NLGN1: variants seen among roughly 807,000 people sequenced by gnomAD.
NLGN1 encodes the protein neuroligin 1, also known as neuroligin-1.
In NLGN1, 12 loss-of-function variants were observed where a neutral mutation model predicts 65.5. The ratio of observed to expected loss-of-function variants is 0.18; its 90% confidence interval spans 0.12 to 0.30. The LOEUF (loss-of-function observed/expected upper bound fraction) is 0.30, where lower values mean the gene tolerates loss of function less well. NLGN1 is among the 10% of genes least tolerant of loss of function. The probability of loss-of-function intolerance (pLI) is 1.00; values close to 1 mark genes in which losing one functional copy is unlikely to be tolerated. For missense variants in NLGN1, 750 were observed against 1,007.1 expected, an observed-to-expected ratio of 0.74 and a Z score of 3.46; for synonymous variants, 350 against 359.5, an observed-to-expected ratio of 0.97 and a Z score of 0.30.
At chr3:173,720,736 T>G (rs758916908) in intron 3 of NLGN1, among the ~76,000 whole-genome samples, 2 of 152,146 alleles carry the variant, frequency 1.3e-5, no homozygotes, top group African/African-American at 4.8e-5. Context: ...TAAATGAGAG[T>G]TTAATATATT....
chr3:173,768,558 A>T (rs1339704138), intron 3 of NLGN1, among the ~76,000 whole-genome samples: 1 of 152,102 alleles, frequency 6.6e-6, no homozygotes, highest in Non-Finnish European at 1.5e-5. Context: ...CTTATGTATC[A>T]CATATGCCAA....
chr3:173,545,418 G>A (rs1230965123), intron 2 of NLGN1, among the ~76,000 whole-genome samples: 1 of 151,982 alleles, frequency 6.6e-6, no homozygotes, highest in Non-Finnish European at 1.5e-5. Flanking sequence ...AGCCAGAAAG[G>A]CAGAAATAGA....
intron 2 of NLGN1, among the ~76,000 whole-genome samples, chr3:173,476,191 G>T (rs569400144): frequency 3.3e-5 from 5 of 152,282 alleles, no homozygotes; most frequent in African/African-American, 1.2e-4. Context: ...GCAGAGTGCT[G>T]CCTGAGTGGG....
At chr3:173,769,795 T>G (rs1319010595) in intron 3 of NLGN1, among the ~76,000 whole-genome samples, 1 of 152,182 alleles carries the variant, frequency 6.6e-6, no homozygotes, top group Non-Finnish European at 1.5e-5. Flanking sequence ...AGGGAGGGTC[T>G]TACTGGTTAT....
At chr3:174,130,227 A>G (rs111853668) in intron 4 of NLGN1, among the ~76,000 whole-genome samples, 4,162 of 152,198 alleles carry the variant, frequency 0.027, 203 homozygotes, top group African/African-American at 0.095. Context: ...ATAAAAAATT[A>G]GCTGGGTGTG....
intron 4 of NLGN1, among the ~76,000 whole-genome samples, chr3:173,948,939 A>G (rs1747694135): frequency 6.6e-6 from 1 of 152,116 alleles, no homozygotes; most frequent in Admixed American, 6.5e-5. Context: ...TTTAACATGC[A>G]GAAGATAAAA....
intron 4 of NLGN1, among the ~76,000 whole-genome samples, chr3:174,111,681 T>C (rs1715250877): frequency 6.6e-6 from 1 of 151,912 alleles, no homozygotes; most frequent in African/African-American, 2.4e-5. Flanking sequence ...CACAAGGTTA[T>C]AGAATGGTAA....
chr3:174,279,634 A>C lies in NLGN1; in HGVS notation c.1633A>C (p.Asn545His). 1 of 1,603,470 alleles carries C rather than the reference A, an allele frequency of 6.2e-7. No individual in the cohort carries two copies. Among genetic ancestry groups the C allele is most frequent in the Non-Finnish European group, 8.5e-7 (1 of 1,172,992 alleles). Residue 545 changes from asparagine to histidine, a missense_variant, in exon 6 of 7, where the codon AAT (asparagine) becomes CAT (histidine). By Grantham distance (68) the Asn-to-His change is moderately conservative. Coordinates refer to ENST00000457714, the Ensembl canonical transcript of NLGN1. This position sits in a 1 kb window ranked among gnomAD's most constrained non-coding sequence, Gnocchi z 4.7. ...TGCAGTTGTAATGACATACTGGACA[A>C]ATTTTGCTAAAACTGGGTATGTACC...
intron 4 of NLGN1, among the ~76,000 whole-genome samples, chr3:173,921,221 C>T (rs1177427041): frequency 4.1e-5 from 6 of 145,700 alleles, no homozygotes; most frequent in Admixed American, 2.1e-4. Context: ...AATATATATA[C>T]TATGCATGTA....
rs16833055 is a variant in NLGN1, at chr3:174,072,099, A to G, written c.647-203216A>G. On this transcript the variant is annotated intron_variant, in intron 4 of 6. Coordinates refer to ENST00000457714, the Ensembl canonical transcript of NLGN1. The stretch of plus-strand genomic sequence containing the variant: ...AGTAATTATGTTACCTGGTTGCAGA[A>G]AAGGGAAAATAAAGGGGAGAATCTT... 4.4e-3 allele frequency among the ~76,000 whole-genome samples: 665 copies of G among 152,336 alleles called. 7 individuals carry two copies. The highest frequency in any genetic ancestry group is 0.015 in the African/African-American group (617 of 41,586).
chr3:173,783,977 T>C (rs970072292), intron 3 of NLGN1, among the ~76,000 whole-genome samples: 1 of 152,196 alleles, frequency 6.6e-6, no homozygotes, highest in African/African-American at 2.4e-5. Context: ...CTTAAAATAA[T>C]CTGTGTAAAA....
At chr3:174,125,506 G>A (rs1379937662) in intron 4 of NLGN1, among the ~76,000 whole-genome samples, 1 of 152,028 alleles carries the variant, frequency 6.6e-6, no homozygotes, top group Non-Finnish European at 1.5e-5. Flanking sequence ...AGGAGTTTAG[G>A]TGGGGGAGCT....
intron 4 of NLGN1, among the ~76,000 whole-genome samples, chr3:174,124,424 A>G (rs1043233936): frequency 6.6e-6 from 1 of 151,526 alleles, no homozygotes; most frequent in Non-Finnish European, 1.5e-5. Context: ...AAATAAAATC[A>G]CCATAGTCCC....
intron 3 of NLGN1, among the ~76,000 whole-genome samples, chr3:173,779,803 G>A (rs1173767592): frequency 6.6e-6 from 1 of 152,124 alleles, no homozygotes; most frequent in East Asian, 1.9e-4. Flanking sequence ...CATGCACTGG[G>A]TAACAGGCCT....
chr3:173,593,977 A>G (rs1749000822), intron 2 of NLGN1, among the ~76,000 whole-genome samples: 2 of 152,106 alleles, frequency 1.3e-5, no homozygotes, highest in Admixed American at 1.3e-4. Flanking sequence ...GATTCAAATT[A>G]TCTCCCACTG....
At chr3:173,453,716 A>G (rs917683940) in intron 2 of NLGN1, among the ~76,000 whole-genome samples, 1 of 152,152 alleles carries the variant, frequency 6.6e-6, no homozygotes, top group African/African-American at 2.4e-5. Flanking sequence ...TTTAGGCTCT[A>G]CTTTTAATTC....
At chr3:174,260,734 G>A (rs1746726188) in intron 4 of NLGN1, among the ~76,000 whole-genome samples, 1 of 150,000 alleles carries the variant, frequency 6.7e-6, no homozygotes, top group Non-Finnish European at 1.5e-5. Context: ...ATTGCTTTTG[G>A]TGTTTTGGAC....
intron 2 of NLGN1, among the ~76,000 whole-genome samples, chr3:173,514,435 C>A (rs1028119038): frequency 6.6e-6 from 1 of 151,956 alleles, no homozygotes; most frequent in Non-Finnish European, 1.5e-5. Context: ...CATTCTTAGG[C>A]CTTTGTGTTC....
At chr3:174,068,260 A>G (rs1739078489) in intron 4 of NLGN1, among the ~76,000 whole-genome samples, 1 of 152,122 alleles carries the variant, frequency 6.6e-6, no homozygotes, top group Admixed American at 6.6e-5. Context: ...AAAATGTTGT[A>G]TAGAATACAT....
Sources: gnomAD v4.1 joint callset for allele counts (sites outside exome capture counted in the v4.1 genomes callset) on GRCh38, gnomAD v4.1.1 for gene constraint, Gnocchi (gnomAD v3.1) non-coding constraint, MANE v1.5 for transcripts, NCBI Gene and HGNC (gene_info 2026-07-23, HGNC 2026-07-21) for gene names.